The following XYLT1 variants were observed in gnomAD, a reference collection of about 807,000 sequenced individuals.
XYLT1 encodes xylosyltransferase 1.
Under a neutral mutation model 91.3 loss-of-function variants are expected in XYLT1, and 36 were observed. The observed-to-expected ratio is 0.39, with a 90% CI of 0.30 to 0.52. XYLT1 has a LOEUF of 0.52. Ranked by LOEUF, XYLT1 falls within the 20% of genes least tolerant of loss-of-function variation. XYLT1 has a pLI of 0.68. For missense variants in XYLT1, 1,242 were observed against 1,284.5 expected (o/e 0.97, Z 0.51); for synonymous variants, 588 against 532.0 (o/e 1.11, Z -1.45).
chr16:17,288,021 G>C (rs2034167120), intron 2 of XYLT1, among the ~76,000 whole-genome samples: 1 of 150,844 alleles, frequency 6.6e-6, no homozygotes, highest in South Asian at 2.1e-4. Context: ...GCCACCTCAA[G>C]TGAGGCTCAA....
At chr16:17,260,807 C>A (rs1452047775) in intron 2 of XYLT1, among the ~76,000 whole-genome samples, 2 of 152,150 alleles carry the variant, frequency 1.3e-5, no homozygotes, top group Non-Finnish European at 2.9e-5. Context: ...ATATTTCTAT[C>A]CAGCCCTTTA....
At chr16:17,354,506 T>C (rs1341849367) in intron 2 of XYLT1, among the ~76,000 whole-genome samples, 3 of 152,204 alleles carry the variant, frequency 2.0e-5, no homozygotes, top group Non-Finnish European at 2.9e-5. Flanking sequence ...CGTGTTCTAA[T>C]GCAGGCCAGG....
At chr16:17,265,382 G>C (rs1567348285) in intron 2 of XYLT1, among the ~76,000 whole-genome samples, 1 of 152,306 alleles carries the variant, frequency 6.6e-6, no homozygotes, top group East Asian at 1.9e-4. Context: ...TTTCGCAATT[G>C]TGATCAACTG....
intron 9 of XYLT1, among the ~76,000 whole-genome samples, chr16:17,130,969 A>AT (rs2030447742): frequency 6.6e-6 from 1 of 151,698 alleles, no homozygotes; most frequent in Non-Finnish European, 1.5e-5. Flanking sequence ...CTTTATCTTC[A>AT]TTTTTTGCAC....
intron 1 of XYLT1, among the ~76,000 whole-genome samples, chr16:17,387,272 A>T (rs6498699): frequency 0.48 from 73,621 of 152,020 alleles, 18,845 homozygotes; most frequent in African/African-American, 0.61. Context: ...GGGCTGTGGG[A>T]CTGGAGGCAA....
At position 17,134,623 on chromosome 16, in the gene XYLT1, C is replaced by T. The variant is rs1404423019; in HGVS notation, c.1877G>A (p.Gly626Asp). ...LYGNYPAGTP[G>D]LRSYWENVYD... ...GACATTCTCCCAGTAGGAGCGCAGG[C>T]CCGGGGTACCTGCAGGGTAGTTCCC... Residue 626 changes from glycine (G) to aspartate (D), a missense_variant, in exon 9 of 12, where the codon GGC becomes GAC. Physicochemically the swap from Gly to Asp is moderately conservative, Grantham distance 94 (BLOSUM62 -1). Coordinates refer to ENST00000261381, the MANE Select transcript of XYLT1 (RefSeq NM_022166.4). The T allele has an allele frequency of 6.2e-7, 1 of 1,614,208 alleles. No homozygotes were observed.
chr16:17,421,323 A>G (rs546779475), intron 1 of XYLT1, among the ~76,000 whole-genome samples: 7 of 152,340 alleles, frequency 4.6e-5, no homozygotes, highest in Middle Eastern at 3.4e-3. Context: ...GACCACAGCT[A>G]TATTTCCTAT....
At chr16:17,286,671 C>G (rs535266886) in intron 2 of XYLT1, among the ~76,000 whole-genome samples, 1 of 151,902 alleles carries the variant, frequency 6.6e-6, no homozygotes, top group Non-Finnish European at 1.5e-5. Flanking sequence ...TCCTCATCAT[C>G]ATCATCCTCA....
rs570528316 is a variant in XYLT1, at chr16:17,311,115, T to C, written c.402+46897A>G. On this transcript the variant is annotated intron_variant, in intron 2 of 11. Coordinates refer to ENST00000261381, the MANE Select transcript of XYLT1 (RefSeq NM_022166.4). ...CCCAGGATAATCACCTGCTGCAAAT[T>C]TACCCGGTGTTTAAATTGTAACAGC... Among the ~76,000 whole-genome samples the C allele has an allele frequency of 5.3e-5, 8 of 152,162 alleles. No individual in the cohort carries two copies. The East Asian group carries it at 1.6e-3, about 29-fold the overall frequency.
rs553830690 is a variant in XYLT1 at position 17,317,024 on chromosome 16, G to A, written c.402+40988C>T. Among the ~76,000 whole-genome samples the A allele has an allele frequency of 2.3e-4, 35 of 150,940 alleles. No homozygotes were observed. In the South Asian group the frequency reaches 6.7e-3, roughly 29 times the overall value. ...TTTTTAGTAGAGACGGAGTTTCACC[G>A]TGTTAGCCAGGATGGTCTCGATCTC... On this transcript the variant is annotated intron_variant, in intron 2 of 11. Coordinates refer to ENST00000261381, the MANE Select transcript of XYLT1 (RefSeq NM_022166.4).
intron 11 of XYLT1, among the ~76,000 whole-genome samples, chr16:17,112,489 C>T (rs1966844003): frequency 6.6e-6 from 1 of 152,014 alleles, no homozygotes; most frequent in African/African-American, 2.4e-5. Context: ...ATGAATGGCC[C>T]CCAGGCTACT....
chr16:17,381,044 CT>C (rs1384484177), intron 1 of XYLT1, among the ~76,000 whole-genome samples: 1 of 152,066 alleles, frequency 6.6e-6, no homozygotes, highest in Non-Finnish European at 1.5e-5. Context: ...GTCGTTGTTT[CT>C]TTTTTTGTTT....
chr16:17,138,408 A>AGTCCACG lies in XYLT1; in HGVS notation c.1704_1710dup (p.Trp571ArgfsTer10). 6.2e-7 allele frequency: 1 copy of AGTCCACG among 1,614,184 alleles called. No individual in the cohort carries two copies. Among genetic ancestry groups the AGTCCACG allele is most frequent in the Non-Finnish European group, 8.5e-7 (1 of 1,180,032 alleles). On this transcript the variant is annotated frameshift_variant, in exon 8 of 12. Transcript: ENST00000261381. LOFTEE classifies it high-confidence loss of function. The stretch of plus-strand genomic sequence containing the variant: ...AAGTCATTGGGGGAGCAGCCGCACC[A>AGTCCACG]GTCCACGATGTGCTTGTACTGGCAC...
At chr16:17,360,947 C>A (rs1293621213) in intron 1 of XYLT1, among the ~76,000 whole-genome samples, 1 of 152,164 alleles carries the variant, frequency 6.6e-6, no homozygotes, top group Non-Finnish European at 1.5e-5. Context: ...CAAGGAAAGC[C>A]CTTTCCTATC....
chr16:17,137,996 A>AACAAATATTTT (rs2030809727), intron 8 of XYLT1, among the ~76,000 whole-genome samples: 2 of 151,878 alleles, frequency 1.3e-5, no homozygotes, highest in Admixed American at 1.3e-4. Context: ...GTACAAATGT[A>AACAAATATTTT]ACAAATATTT....
intron 6 of XYLT1, among the ~76,000 whole-genome samples, chr16:17,150,501 G>A (rs960385348): frequency 6.6e-5 from 10 of 152,156 alleles, no homozygotes; most frequent in South Asian, 2.1e-4. Context: ...TTTATTGAGC[G>A]TATACTACAT....
At chr16:17,315,915 G>A (rs1567370797) in intron 2 of XYLT1, among the ~76,000 whole-genome samples, 2 of 152,192 alleles carry the variant, frequency 1.3e-5, no homozygotes, top group East Asian at 1.9e-4. Context: ...AGATCTTAGC[G>A]CTTTGACAAA....
chr16:17,147,470 C>A (rs531455729), intron 6 of XYLT1, among the ~76,000 whole-genome samples: 1 of 152,200 alleles, frequency 6.6e-6, no homozygotes, highest in South Asian at 2.1e-4. Flanking sequence ...TGTGATGTCC[C>A]GGACCATAAT....
rs561062145 is a variant in XYLT1, at chr16:17,257,693, A to C, written c.913+1295T>G. Reference sequence around the variant, plus strand: ...CTGAGTGGGTCCGAAATTTCCTGCCATAACAGTAAGCTTGTAAGATCACTT... The same window carrying C: ...CTGAGTGGGTCCGAAATTTCCTGCCCTAACAGTAAGCTTGTAAGATCACTT... On this transcript the variant is annotated intron_variant, in intron 3 of 11. Coordinates refer to ENST00000261381, the MANE Select transcript of XYLT1 (RefSeq NM_022166.4). Among the ~76,000 whole-genome samples, 5 of 152,312 alleles carry C rather than the reference A, an allele frequency of 3.3e-5. No individual in the cohort carries two copies. The East Asian group carries it at 7.7e-4, about 24-fold the overall frequency.
Sources: gnomAD v4.1 joint callset for allele counts (sites outside exome capture counted in the v4.1 genomes callset) on GRCh38, gnomAD v4.1.1 for gene constraint, MANE v1.5 for transcripts, NCBI Gene and HGNC (gene_info 2026-07-23, HGNC 2026-07-21) for gene names.